The following RIPOR2 variants were observed in gnomAD, a reference collection of about 807,000 sequenced individuals.
The protein encoded by RIPOR2 is rho family-interacting cell polarization regulator 2.
In RIPOR2, 39 loss-of-function variants were observed where a neutral mutation model predicts 114.5. That is an observed-to-expected ratio of 0.34 (90% CI 0.26 to 0.44). The LOEUF is 0.44. Among genes scored for constraint, RIPOR2 ranks in the 20% least tolerant of loss-of-function variants. RIPOR2 has a pLI of 1.00. For missense variants in RIPOR2, 1,007 were observed against 1,255.1 expected (o/e 0.80, Z 2.99); for synonymous variants, 445 against 484.4 (o/e 0.92, Z 1.07).
intron 1 of RIPOR2, among the ~76,000 whole-genome samples, chr6:24,905,348 T>C (rs1327048155): frequency 1.3e-5 from 2 of 152,196 alleles, no homozygotes; most frequent in African/African-American, 4.8e-5. Flanking sequence ...ATCTCTCTTT[T>C]TTTCTAAGCT....
Position 25,005,738 on chromosome 6 carries a change from T to TATATATATACAC in RIPOR2, c.76+36112_76+36113insGTGTATATATAT, listed in dbSNP as rs34572978. On this transcript the variant is annotated intron_variant, in intron 1 of 13. Transcript: ENST00000510784. ...ATATATATATATATATATATATATA[T>TATATATATACAC]ATACATTTACCGATCAAAAGATATG... Among the ~76,000 whole-genome samples the TATATATATACAC allele has an allele frequency of 2.1e-3, 147 of 70,676 alleles. 13 individuals carry two copies. The highest frequency in any genetic ancestry group is 4.0e-3 in the Non-Finnish European group (119 of 30,006). 46.4% of individuals were successfully genotyped at this position (70,676 alleles called of 152,430 possible).
chr6:24,852,946 A>G (rs1426891765), intron 8 of RIPOR2, among the ~76,000 whole-genome samples: 2 of 152,184 alleles, frequency 1.3e-5, no homozygotes, highest in Non-Finnish European at 2.9e-5. Flanking sequence ...CCAGAAAGAT[A>G]GATTTATTTA....
At chr6:24,887,092 T>C (rs1766906047) in intron 1 of RIPOR2, among the ~76,000 whole-genome samples, 1 of 152,226 alleles carries the variant, frequency 6.6e-6, no homozygotes, top group Admixed American at 6.5e-5. Context: ...AAGCCAACTG[T>C]TGTCTACAAG....
chr6:25,016,916 T>C (rs1776033491), intron 1 of RIPOR2, among the ~76,000 whole-genome samples: 1 of 152,190 alleles, frequency 6.6e-6, no homozygotes, highest in Non-Finnish European at 1.5e-5. Context: ...GTGCTTCACT[T>C]AGACATGGTA....
chr6:25,003,659 G>T (rs1472504594), intron 1 of RIPOR2, among the ~76,000 whole-genome samples: 1 of 151,994 alleles, frequency 6.6e-6, no homozygotes, highest in Non-Finnish European at 1.5e-5. Flanking sequence ...TCCACCTTCT[G>T]GGCTCAAGCT....
Position 24,818,559 on chromosome 6 carries a change from C to T in RIPOR2, c.2935G>A (p.Ala979Thr). The T allele has an allele frequency of 6.5e-7, 1 of 1,549,128 alleles. No individual in the cohort carries two copies. Among genetic ancestry groups the T allele is most frequent in the Non-Finnish European group, 8.7e-7 (1 of 1,145,254 alleles). Residue 979 changes from alanine (A) to threonine (T), a missense_variant, in exon 20 of 22, where the codon GCT becomes ACT. Transcript: ENST00000643898. Reference protein sequence around the residue: ...NLQLQKAACLALKILEATESI... With the variant: ...NLQLQKAACLTLKILEATESI... ...GGCTTTACCTCAAGGATTTTCAGAG[C>T]CAGGCAAGCTGCTTTCTGGAGCTGG...
intron 18 of RIPOR2, 84 bp downstream of exon 18, chr6:24,828,053 C>G: frequency 2.4e-6 from 3 of 1,236,870 alleles, no homozygotes; most frequent in Non-Finnish European, 3.2e-6. Context: ...AAAAGGCCAT[C>G]ATTGCCAAAA....
intron 1 of RIPOR2, among the ~76,000 whole-genome samples, chr6:24,982,681 C>T (rs1411354613): frequency 6.6e-6 from 1 of 152,058 alleles, no homozygotes. Flanking sequence ...ACAATATATT[C>T]GTTTGTCAGA....
intron 1 of RIPOR2, among the ~76,000 whole-genome samples, chr6:24,901,044 C>G (rs1265302340): frequency 6.6e-6 from 1 of 152,104 alleles, no homozygotes; most frequent in African/African-American, 2.4e-5. Flanking sequence ...CCAGGAAGGC[C>G]TTGCCTGTGT....
At chr6:24,923,709 G>A (rs1484548781) in intron 1 of RIPOR2, among the ~76,000 whole-genome samples, 3 of 152,066 alleles carry the variant, frequency 2.0e-5, no homozygotes, top group African/African-American at 4.8e-5. Context: ...AGCAGGGGAC[G>A]TGATGGCGCA....
intron 7 of RIPOR2, among the ~76,000 whole-genome samples, chr6:24,861,851 G>A (rs1764100686): frequency 6.6e-6 from 1 of 152,196 alleles, no homozygotes; most frequent in Non-Finnish European, 1.5e-5. Flanking sequence ...GGTAAATCTA[G>A]ATAAAGGCAT....
At chr6:24,875,024 G>A (rs1017033867) in intron 2 of RIPOR2, among the ~76,000 whole-genome samples, 3 of 152,158 alleles carry the variant, frequency 2.0e-5, no homozygotes, top group Non-Finnish European at 4.4e-5. Flanking sequence ...TAGGAAAGCC[G>A]AGACCTCCGA....
intron 1 of RIPOR2, among the ~76,000 whole-genome samples, chr6:25,028,328 G>C (rs952360221): frequency 6.6e-6 from 1 of 152,176 alleles, no homozygotes; most frequent in Non-Finnish European, 1.5e-5. Flanking sequence ...TCTGAATAGA[G>C]AGGGTGGCCA....
chr6:24,858,886 T>G lies in RIPOR2; in HGVS notation c.715+2087A>C, dbSNP rs1763768115. Among the ~76,000 whole-genome samples, 2 of 152,284 alleles carry G rather than the reference T, an allele frequency of 1.3e-5. No homozygotes were observed. The highest frequency in any genetic ancestry group is 4.8e-5 in the African/African-American group (2 of 41,556). On this transcript the variant is annotated intron_variant, in intron 8 of 21. Coordinates refer to ENST00000643898, the MANE Select transcript of RIPOR2 (RefSeq NM_001286445.3). This position sits in a 1 kb window ranked among gnomAD's most constrained non-coding sequence, Gnocchi z 4.0. ...TCATCTCCTCCCTGAACACCAAGCCTGAAGCTCCAGATCTGGTCCGAGGGT... is the reference window on the plus strand; with the variant it reads ...TCATCTCCTCCCTGAACACCAAGCCGGAAGCTCCAGATCTGGTCCGAGGGT...
intron 1 of RIPOR2, among the ~76,000 whole-genome samples, chr6:24,959,339 C>T (rs1773197578): frequency 6.6e-6 from 1 of 152,150 alleles, no homozygotes; most frequent in Non-Finnish European, 1.5e-5. Flanking sequence ...GTAATTAATG[C>T]ACTGTTTCAT....
intron 1 of RIPOR2, chr6:25,015,895 GGTTTTTTTTT>G (rs1775960411): frequency 2.4e-4 from 4 of 16,450 alleles, no homozygotes; most frequent in African/African-American, 7.8e-4. Flanking sequence ...CAGGTTTTTT[GGTTTTTTTTT>G]TTTTTTTTTT....
chr6:24,865,485 T>G (rs1488645222), intron 6 of RIPOR2, 35 bp from the exon 7 acceptor site: 1 of 1,564,658 alleles, frequency 6.4e-7, no homozygotes, highest in Non-Finnish European at 8.7e-7. Flanking sequence ...GAAATAAATG[T>G]CAGGCTTGAA....
chr6:24,914,231 G>A (rs1769899761), intron 1 of RIPOR2, among the ~76,000 whole-genome samples: 1 of 152,152 alleles, frequency 6.6e-6, no homozygotes. Flanking sequence ...AGCTACTCAG[G>A]AGGGTAAGGT....
intron 1 of RIPOR2, among the ~76,000 whole-genome samples, chr6:25,016,856 G>A (rs558897095): frequency 7.9e-4 from 120 of 152,234 alleles, no homozygotes; most frequent in Non-Finnish European, 1.4e-3. Context: ...TAAAACCTAG[G>A]GAGAAAGATC....
Sources: gnomAD v4.1 joint callset for allele counts (sites outside exome capture counted in the v4.1 genomes callset) on GRCh38, gnomAD v4.1.1 for gene constraint, Gnocchi (gnomAD v3.1) non-coding constraint, MANE v1.5 for transcripts, NCBI Gene and HGNC (gene_info 2026-07-23, HGNC 2026-07-21) for gene names.